Variants in FOXN1 observed in about 807,000 individuals in gnomAD.
FOXN1 encodes the protein forkhead box N1.
A neutral mutation model predicts 49.0 loss-of-function variants in FOXN1; 15 were observed. That is an observed-to-expected ratio of 0.31 (90% CI 0.20 to 0.47). The LOEUF is 0.47. FOXN1 is among the 20% of genes least tolerant of loss of function. The probability of loss-of-function intolerance (pLI) is 1.00; values close to 1 mark genes in which losing one functional copy is unlikely to be tolerated. For missense variants in FOXN1, 800 were observed against 842.8 expected (o/e 0.95, Z 0.63); for synonymous variants, 356 against 369.0 (o/e 0.96, Z 0.40).
In FOXN1 at chr17:28,524,485, T is replaced by C. The variant is rs1204687961; in HGVS notation, c.124-18T>C. On this transcript the variant is annotated intron_variant, in intron 2 of 8. Coordinates refer to ENST00000579795, the MANE Select transcript of FOXN1 (RefSeq NM_001369369.1). The stretch of plus-strand genomic sequence containing the variant: ...GTTCAGCCTCCACTCACAGGCTCGC[T>C]ACTCTCTGTCTACCCAGAAGCATGC... 2.5e-6 allele frequency: 4 copies of C among 1,611,478 alleles called. No individual in the cohort carries two copies. Among genetic ancestry groups the C allele is most frequent in the Admixed American group, 1.7e-5 (1 of 60,004 alleles).
chr17:28,511,671 A>G (rs969319492), intron 1 of FOXN1, among the ~76,000 whole-genome samples: 1 of 143,500 alleles, frequency 7.0e-6, no homozygotes, highest in Non-Finnish European at 1.5e-5. Flanking sequence ...TATGTAGGGC[A>G]AAGATGAGGA....
At chr17:28,524,209 C>A in intron 2 of FOXN1, 117 bp downstream of exon 2, 1 of 1,068,736 alleles carries the variant, frequency 9.4e-7, no homozygotes, top group Non-Finnish European at 1.3e-6. Flanking sequence ...TTGTCCCCTC[C>A]ACCAGCAAAC....
chr17:28,531,958 A>G (rs971830724), intron 6 of FOXN1, among the ~76,000 whole-genome samples: 2 of 152,316 alleles, frequency 1.3e-5, no homozygotes, highest in Middle Eastern at 3.4e-3. Context: ...TGGAAGGGAA[A>G]GAGGGAGGGA....
chr17:28,515,988 G>A (rs2069485903), intron 1 of FOXN1, among the ~76,000 whole-genome samples: 1 of 151,028 alleles, frequency 6.6e-6, no homozygotes, highest in Admixed American at 6.6e-5. Flanking sequence ...TTTCCACAGG[G>A]GTACACACCT....
At chr17:28,529,482 C>G (rs990787106) in intron 5 of FOXN1, among the ~76,000 whole-genome samples, 2 of 152,164 alleles carry the variant, frequency 1.3e-5, no homozygotes, top group Non-Finnish European at 2.9e-5. Flanking sequence ...TGTGATGAGC[C>G]TGCCAAGGTC....
chr17:28,516,537 A>G (rs559873694), intron 1 of FOXN1, among the ~76,000 whole-genome samples: 1 of 151,126 alleles, frequency 6.6e-6, no homozygotes, highest in African/African-American at 2.4e-5. Context: ...CACAGGGTAC[A>G]CACCTCCGCA....
Position 28,509,728 on chromosome 17 carries a change from G to A in FOXN1, c.-15+3285G>A, listed in dbSNP as rs561755574. Among the ~76,000 whole-genome samples the A allele has an allele frequency of 3.9e-5, 6 of 152,376 alleles. No homozygotes were observed. The East Asian group carries it at 1.2e-3, about 29-fold the overall frequency. ...GCGCCCAGACAGACCTCCACACTGC[G>A]GGCATGTGGCAGTGAAGCGGGGATG... is the stretch of plus-strand genomic sequence containing the variant. On this transcript the variant is annotated intron_variant, in intron 1 of 8. Coordinates refer to ENST00000579795, the MANE Select transcript of FOXN1 (RefSeq NM_001369369.1).
chr17:28,532,913 C>A (rs1387701772), intron 6 of FOXN1, among the ~76,000 whole-genome samples: 2 of 152,204 alleles, frequency 1.3e-5, no homozygotes, highest in Non-Finnish European at 2.9e-5. Flanking sequence ...CATGGGGCAA[C>A]GTGGCCTTAA....
intron 1 of FOXN1, among the ~76,000 whole-genome samples, chr17:28,520,276 G>T (rs1433217768): frequency 6.6e-6 from 1 of 152,224 alleles, no homozygotes; most frequent in African/African-American, 2.4e-5. Flanking sequence ...GCCCTTCCCA[G>T]TGATGGACAG....
rs2070110528 is a variant in FOXN1 at position 28,537,894 on chromosome 17, A to G, written c.*458A>G. On this transcript the variant is annotated 3_prime_UTR_variant, in exon 9 of 9. Transcript: ENST00000579795. The stretch of plus-strand genomic sequence containing the variant: ...CTCAGGGCCCTGTGCCAGGCCAAAG[A>G]TCCCCCCAGACCCCCATTCTGACAT... The G allele has an allele frequency of 4.2e-6, 1 of 237,874 alleles. No individual in the cohort carries two copies. Among genetic ancestry groups the G allele is most frequent in the Admixed American group, 5.0e-5 (1 of 20,040 alleles). 14.7% of individuals were successfully genotyped at this position (237,874 alleles called of 1,614,324 possible).
At position 28,534,462 on chromosome 17, in the gene FOXN1, C is replaced by T. The variant is rs762513012; in HGVS notation, c.1059C>T (p.Ile353=). Reference sequence around the variant, plus strand: ...TGTGGGCCCTCAATCCGGCCAAGATCGACAAGATGCAAGAGGAGCTGCAAA... The same window carrying T: ...TGTGGGCCCTCAATCCGGCCAAGATTGACAAGATGCAAGAGGAGCTGCAAA... ...GCLWALNPAK[I]DKMQEELQKW... Residue 353 remains isoleucine (I), a synonymous_variant, in exon 7 of 9, where the codon ATC becomes ATT. Coordinates refer to ENST00000579795, the MANE Select transcript of FOXN1 (RefSeq NM_001369369.1). The surrounding 1 kb of genome is among the most constrained non-coding windows in gnomAD (Gnocchi z 4.1). 1.2e-5 allele frequency: 19 copies of T among 1,613,992 alleles called. No homozygotes were observed. The highest frequency in any genetic ancestry group is 2.2e-5 in the East Asian group (1 of 44,870).
chr17:28,507,998 T>C (rs1555606376), intron 1 of FOXN1, among the ~76,000 whole-genome samples: 2 of 152,126 alleles, frequency 1.3e-5, no homozygotes, highest in African/African-American at 2.4e-5. Context: ...GAGGCGCATG[T>C]CCTCCCGGCT....
rs144560330 is a variant in FOXN1, at chr17:28,527,545, T to G, written c.699+184T>G. Among the ~76,000 whole-genome samples, 2,099 of 152,228 alleles carry G rather than the reference T, an allele frequency of 0.014. 46 individuals carry two copies. The highest frequency in any genetic ancestry group is 0.048 in the African/African-American group (1,979 of 41,516). On this transcript the variant is annotated intron_variant, in intron 4 of 8. Transcript: ENST00000579795. Reference sequence around the variant, plus strand: ...GAATAGTTAATGGGAAGAGAAGCAATTGCCCTCCTCCAGGGGTGGGCTTGT... The same window carrying G: ...GAATAGTTAATGGGAAGAGAAGCAAGTGCCCTCCTCCAGGGGTGGGCTTGT...
At position 28,527,292 on chromosome 17, in the gene FOXN1, T is replaced by G; in HGVS notation, c.630T>G (p.Gly210=). Residue 210 remains glycine, a synonymous_variant, in exon 4 of 9, where the codon GGT becomes GGG. Transcript: ENST00000579795. ...VKVKPPVLES[G]AGMFCYQPPL... ...TCAAGCCCCCAGTTCTGGAGAGTGG[T>G]GCTGGGATGTTCTGCTACCAGCCTC... 6.2e-7 allele frequency: 1 copy of G among 1,614,004 alleles called. No individual in the cohort carries two copies.
Position 28,534,241 on chromosome 17 carries a change from G to A in FOXN1, c.928-90G>A. ...GTGGGCGGCAGCTCTGTGCCCAGAG[G>A]AGAAACAGGAGTGTTCTAGAACCCA... On this transcript the variant is annotated intron_variant, in intron 6 of 8. Coordinates refer to ENST00000579795, the MANE Select transcript of FOXN1 (RefSeq NM_001369369.1). The surrounding 1 kb of genome is among the most constrained non-coding windows in gnomAD (Gnocchi z 4.1). 6 of 1,601,480 alleles carry A rather than the reference G, an allele frequency of 3.7e-6. 1 individual carries two copies. The highest frequency in any genetic ancestry group is 5.1e-6 in the Non-Finnish European group (6 of 1,173,966).
rs200484835 is a variant in FOXN1 at position 28,537,324 on chromosome 17, A to G, written c.1835A>G (p.His612Arg). The G allele has an allele frequency of 3.0e-5, 49 of 1,613,080 alleles. No individual in the cohort carries two copies. The highest frequency in any genetic ancestry group is 3.7e-5 in the Non-Finnish European group (44 of 1,179,628). ...GGCTCCGGGGCACTGGGTGACCTGC[A>G]CCTCACCACCCTCTACTCTGCCTTT... ...SGGSGALGDLHLTTLYSAFME... is the reference protein window; with the variant it reads ...SGGSGALGDLRLTTLYSAFME... The change falls in exon 9 of 9, where the codon CAC (histidine) becomes CGC (arginine). Residue 612 changes from histidine to arginine, a missense_variant. Physicochemically the swap from His to Arg is conservative, Grantham distance 29. Around this residue, in one of 3 missense-constraint regions of FOXN1, gnomAD observed 344 missense variants for 366.1 expected, o/e 0.94. Transcript: ENST00000579795.
intron 5 of FOXN1, among the ~76,000 whole-genome samples, chr17:28,529,603 G>A (rs1211032046): frequency 2.0e-5 from 3 of 152,190 alleles, no homozygotes; most frequent in Non-Finnish European, 4.4e-5. Context: ...TCTACTGGAA[G>A]GAAATGGGGG....
At position 28,529,201 on chromosome 17, in the gene FOXN1, C is replaced by T; in HGVS notation, c.807C>T (p.Phe269=). 9 of 1,614,182 alleles carry T rather than the reference C, an allele frequency of 5.6e-6. No individual in the cohort carries two copies. The South Asian group carries it at 8.8e-5, about 16-fold the overall frequency. ...GCACCGATGGGCACCAGCCTCTCTT[C>T]CCAAAACCCATCTATTCCTACAGGT... ...QASTDGHQPL[F]PKPIYSYSIL... Residue 269 remains phenylalanine (F), a synonymous_variant, in exon 5 of 9, where the codon TTC becomes TTT. Coordinates refer to ENST00000579795, the MANE Select transcript of FOXN1 (RefSeq NM_001369369.1).
chr17:28,510,985 G>T (rs1182717672), intron 1 of FOXN1, among the ~76,000 whole-genome samples: 23 of 152,236 alleles, frequency 1.5e-4, no homozygotes, highest in Admixed American at 1.2e-3. Flanking sequence ...CCCTTCTCCA[G>T]GGACATGATT....
Sources: gnomAD v4.1 joint callset for allele counts (sites outside exome capture counted in the v4.1 genomes callset) on GRCh38, gnomAD v4.1.1 for gene constraint, gnomAD v4.1.1 regional missense constraint, Gnocchi (gnomAD v3.1) non-coding constraint, MANE v1.5 for transcripts, NCBI Gene and HGNC (gene_info 2026-07-23, HGNC 2026-07-21) for gene names.